Variants in XKR4 observed in about 807,000 individuals in gnomAD.
The protein encoded by XKR4 is XK related 4.
In XKR4, 12 loss-of-function variants were observed where a neutral mutation model predicts 53.9. The observed-to-expected ratio is 0.22, with a 90% confidence interval of 0.14 to 0.36. The LOEUF (loss-of-function observed/expected upper bound fraction) is 0.36. Ranked by LOEUF, XKR4 falls within the 10% of genes least tolerant of loss-of-function variation. The pLI, the probability that XKR4 is intolerant of heterozygous loss-of-function variation, is 1.00. For synonymous variants in XKR4, 354 were observed against 362.4 expected, an observed-to-expected ratio of 0.98 and a Z score of 0.26; for missense variants, 799 against 859.5, an observed-to-expected ratio of 0.93 and a Z score of 0.88.
intron 1 of XKR4, among the ~76,000 whole-genome samples, chr8:55,272,127 C>T (rs1411229435): frequency 1.3e-5 from 2 of 152,012 alleles, no homozygotes; most frequent in Non-Finnish European, 2.9e-5. Flanking sequence ...CTAACAGGTA[C>T]AATGAAAAGA....
chr8:55,463,264 TA>T (rs1338762020), intron 2 of XKR4, among the ~76,000 whole-genome samples: 2 of 152,132 alleles, frequency 1.3e-5, no homozygotes, highest in Non-Finnish European at 2.9e-5. Flanking sequence ...ACACAAATTA[TA>T]ACCAACTGTC....
intron 2 of XKR4, among the ~76,000 whole-genome samples, chr8:55,373,671 A>G (rs1257420984): frequency 2.0e-5 from 3 of 152,218 alleles, no homozygotes; most frequent in Admixed American, 6.5e-5. Context: ...TATATCCTCT[A>G]TGATGTCAAT....
intron 2 of XKR4, among the ~76,000 whole-genome samples, chr8:55,408,619 C>T (rs1804724882): frequency 6.6e-6 from 1 of 152,104 alleles, no homozygotes; most frequent in Admixed American, 6.5e-5. Context: ...CTGAAAAAGC[C>T]CTGAGGTCTC....
At chr8:55,103,857 A>C (rs371209358) in intron 1 of XKR4, among the ~76,000 whole-genome samples, 1 of 64,352 alleles carries the variant, frequency 1.6e-5, no homozygotes, top group Admixed American at 1.9e-4. Context: ...CTTTGTATAT[A>C]TATATATATA....
At chr8:55,152,670 T>TTG (rs10671546) in intron 1 of XKR4, among the ~76,000 whole-genome samples, 54,659 of 151,906 alleles carry the variant, frequency 0.36, 11,123 homozygotes, top group African/African-American at 0.57. Context: ...TACTAATGCT[T>TTG]TGTGAAGCTG....
chr8:55,449,519 G>C, intron 2 of XKR4: 2 of 1,457,620 alleles, frequency 1.4e-6, no homozygotes, highest in Non-Finnish European at 1.9e-6. Context: ...TCAGGCGTCC[G>C]ACAGTCAGCT....
chr8:55,331,951 G>A lies in XKR4; in HGVS notation c.807-25727G>A, dbSNP rs534206616. On this transcript the variant is annotated intron_variant, in intron 1 of 2. Coordinates refer to ENST00000327381, the MANE Select transcript of XKR4 (RefSeq NM_052898.2). ...TCTATTTATATTCAAAATAATTACC[G>A]ATAAGGAAGGACTTACTATTATCAT... 1.8e-4 allele frequency among the ~76,000 whole-genome samples: 28 copies of A among 152,030 alleles called. No individual in the cohort carries two copies. In the South Asian group the frequency reaches 2.5e-3, roughly 14 times the overall value.
chr8:55,233,256 G>C (rs1818069887), intron 1 of XKR4, among the ~76,000 whole-genome samples: 1 of 152,236 alleles, frequency 6.6e-6, no homozygotes, highest in Non-Finnish European at 1.5e-5. Context: ...CAATAATTCA[G>C]AGTTTCACCC....
chr8:55,530,178 AGG>A lies in XKR4; in HGVS notation c.*5952_*5953del, dbSNP rs1806929859. On this transcript the variant is annotated 3_prime_UTR_variant, in exon 3 of 3. Transcript: ENST00000327381. ...AAGGAAGGAAGGAAGGAAGGAAGGA[AGG>A]AAGGAAGGAAGGAAGGAAGGAAGGA... The A allele has an allele frequency of 6.8e-6, 1 of 148,066 alleles. No homozygotes were observed. Among genetic ancestry groups the A allele is most frequent in the African/African-American group, 2.6e-5 (1 of 38,380 alleles). 9.2% of individuals were successfully genotyped at this position (148,066 alleles called of 1,614,324 possible). A position where few individuals can be genotyped will look rare whatever the true frequency, so the allele number is the denominator to read the frequency against.
At chr8:55,105,592 G>T (rs1292095646) in intron 1 of XKR4, among the ~76,000 whole-genome samples, 1 of 152,054 alleles carries the variant, frequency 6.6e-6, no homozygotes, top group African/African-American at 2.4e-5. Flanking sequence ...ATAATATTCT[G>T]GAAATATTTG....
chr8:55,158,422 G>A (rs1465143077), intron 1 of XKR4, among the ~76,000 whole-genome samples: 1 of 152,116 alleles, frequency 6.6e-6, no homozygotes, highest in Admixed American at 6.5e-5. Context: ...TGCATAGTTT[G>A]CAAATATTTT....
chr8:55,209,548 A>G lies in XKR4; in HGVS notation c.806+106254A>G, dbSNP rs984349482. ...GAGGGCAGGGTTAAGGATAGCAATC[A>G]TAACTGGTGTTGGCAGAGTTCTTCC... On this transcript the variant is annotated intron_variant, in intron 1 of 2. Transcript: ENST00000327381. 3.3e-5 allele frequency among the ~76,000 whole-genome samples: 5 copies of G among 152,174 alleles called. No individual in the cohort carries two copies. The South Asian group carries it at 6.2e-4, about 19-fold the overall frequency.
chr8:55,432,481 A>G (rs929017683), intron 2 of XKR4, among the ~76,000 whole-genome samples: 1 of 152,210 alleles, frequency 6.6e-6, no homozygotes, highest in African/African-American at 2.4e-5. Context: ...TTGCATCGCC[A>G]GTTTGCCTTT....
intron 1 of XKR4, among the ~76,000 whole-genome samples, chr8:55,131,753 C>CT (rs56682340): frequency 0.85 from 126,709 of 149,396 alleles, 53,719 homozygotes; most frequent in East Asian, 0.95. Flanking sequence ...TGTTTCTTTT[C>CT]TTTTTTTTTT....
intron 1 of XKR4, among the ~76,000 whole-genome samples, chr8:55,260,371 C>T (rs1818506444): frequency 1.3e-5 from 2 of 152,090 alleles, no homozygotes; most frequent in African/African-American, 4.8e-5. Context: ...TCTGTTTGCC[C>T]TAGAGGTATT....
intron 1 of XKR4, among the ~76,000 whole-genome samples, chr8:55,212,771 G>A (rs944781336): frequency 6.6e-6 from 1 of 152,152 alleles, no homozygotes; most frequent in African/African-American, 2.4e-5. Context: ...ACTCTGCAAA[G>A]GATGATGCAT....
At chr8:55,518,597 A>G (rs1291830565) in intron 2 of XKR4, among the ~76,000 whole-genome samples, 6 of 152,234 alleles carry the variant, frequency 3.9e-5, no homozygotes, top group African/African-American at 1.4e-4. Context: ...ACGAGAAAGC[A>G]AATGTTGTCA....
intron 2 of XKR4, chr8:55,454,313 A>C: frequency 6.8e-7 from 1 of 1,480,184 alleles, no homozygotes; most frequent in Non-Finnish European, 9.4e-7. Flanking sequence ...GACCCCGATT[A>C]TGAAGGGCGT....
chr8:55,103,481 G>T (rs1377846674), intron 1 of XKR4, among the ~76,000 whole-genome samples, 187 bp downstream of exon 1: 4 of 152,030 alleles, frequency 2.6e-5, no homozygotes, highest in African/African-American at 7.2e-5. Flanking sequence ...TAGGGTGGGA[G>T]GGAAGTGAGA....
Sources: gnomAD v4.1 joint callset for allele counts (sites outside exome capture counted in the v4.1 genomes callset) on GRCh38, gnomAD v4.1.1 for gene constraint, MANE v1.5 for transcripts, NCBI Gene and HGNC (gene_info 2026-07-23, HGNC 2026-07-21) for gene names.